Variants in KLHL5 observed in about 807,000 individuals in gnomAD.
KLHL5 encodes kelch-like protein 5.
KLHL5 carries 48 observed loss-of-function variants against 77.7 expected under a neutral mutation model. The observed-to-expected ratio is 0.62, with a 90% confidence interval of 0.49 to 0.79. KLHL5 has a LOEUF of 0.79. Among genes scored for constraint, KLHL5 ranks in the 30% least tolerant of loss-of-function variants. The probability of loss-of-function intolerance (pLI) is 0.00; values close to 1 mark genes in which losing one functional copy is unlikely to be tolerated. For synonymous variants in KLHL5, 260 were observed against 297.0 expected, an observed-to-expected ratio of 0.88 and a Z score of 1.28; for missense variants, 723 against 859.7, an observed-to-expected ratio of 0.84 and a Z score of 1.99.
chr4:39,079,800 C>T (rs1433672746), intron 2 of KLHL5, among the ~76,000 whole-genome samples: 1 of 152,104 alleles, frequency 6.6e-6, no homozygotes, highest in Non-Finnish European at 1.5e-5. Flanking sequence ...CCAGTATTTA[C>T]TGGACACACA....
the KLHL5 span, among the ~76,000 whole-genome samples, chr4:39,133,185 A>G: frequency 6.6e-6 from 1 of 152,146 alleles, no homozygotes; most frequent in Admixed American, 6.5e-5. Flanking sequence ...GATTAAATCA[A>G]AGTGTTAAAA....
chr4:39,049,515 A>G (rs1716466237), intron 1 of KLHL5, among the ~76,000 whole-genome samples: 1 of 151,978 alleles, frequency 6.6e-6, no homozygotes, highest in Non-Finnish European at 1.5e-5. Flanking sequence ...GTGAGACCCT[A>G]TGCCTACAAA....
the KLHL5 span, among the ~76,000 whole-genome samples, chr4:39,141,446 C>A: frequency 6.6e-6 from 1 of 151,364 alleles, no homozygotes; most frequent in African/African-American, 2.4e-5. Context: ...GTAGCTGGGA[C>A]TACAGGCGCC....
At chr4:39,104,021 GA>G (rs1721835071) in intron 7 of KLHL5, among the ~76,000 whole-genome samples, 1 of 147,034 alleles carries the variant, frequency 6.8e-6, no homozygotes, top group African/African-American at 2.5e-5. Flanking sequence ...AGGTATGGTT[GA>G]GTTTAGATAG....
At chr4:39,116,028 T>C in intron 10 of KLHL5, 2 of 985,544 alleles carry the variant, frequency 2.0e-6, no homozygotes, top group South Asian at 4.7e-5. Flanking sequence ...ATGATAAGTA[T>C]GGTCAAGAAA....
At chr4:39,119,267 C>T (rs1197861145) in intron 10 of KLHL5, among the ~76,000 whole-genome samples, 4 of 152,116 alleles carry the variant, frequency 2.6e-5, no homozygotes, top group Non-Finnish European at 5.9e-5. Flanking sequence ...AAAATGTGAA[C>T]TCGTTATCAT....
intron 9 of KLHL5, among the ~76,000 whole-genome samples, chr4:39,113,967 A>T (rs1403224062): frequency 6.6e-6 from 1 of 152,112 alleles, no homozygotes; most frequent in East Asian, 1.9e-4. Context: ...CATGTGTGAC[A>T]GAGAGTGTGT....
Position 39,062,393 on chromosome 4 carries a change from G to T in KLHL5, c.-260G>T. ...CCGGGAAAGTGGTCTAGCTGCTTCA[G>T]GATAGGTGGATGAGAGTTTGCTCTG... On this transcript the variant is annotated 5_prime_UTR_variant, in exon 1 of 11. The change creates a new upstream start codon in the 5' untranslated region. Coordinates refer to ENST00000504108, the MANE Select transcript of KLHL5 (RefSeq NM_015990.5). 1 of 1,459,634 alleles carries T rather than the reference G, an allele frequency of 6.9e-7. No individual in the cohort carries two copies. The highest frequency in any genetic ancestry group is 2.5e-5 in the East Asian group (1 of 40,394). The allele number at this position is 1,459,634 out of a possible 1,614,324, so 90.4% of individuals were successfully genotyped here.
At chr4:39,141,304 C>CTTTTTTTT in the KLHL5 span, among the ~76,000 whole-genome samples, 3 of 75,624 alleles carry the variant, frequency 4.0e-5, no homozygotes, top group African/African-American at 9.8e-5. Context: ...ATTTTTTAGT[C>CTTTTTTTT]TTTTTTTTTT....
In KLHL5 at chr4:39,099,146, G is replaced by C. The variant is rs368533909; in HGVS notation, c.1300+2268G>C. Among the ~76,000 whole-genome samples, 13 of 152,180 alleles carry C rather than the reference G, an allele frequency of 8.5e-5. No individual in the cohort carries two copies. The East Asian group carries it at 2.3e-3, about 27-fold the overall frequency. The stretch of plus-strand genomic sequence containing the variant: ...AAAAAATACCAAAAAAAATTAGCCA[G>C]GCATGGTGGCAGGTGCCTGTAATCC... On this transcript the variant is annotated intron_variant, in intron 6 of 10. Coordinates refer to ENST00000504108, the MANE Select transcript of KLHL5 (RefSeq NM_015990.5).
At chr4:39,055,258 G>A (rs1716930803) in intron 1 of KLHL5, among the ~76,000 whole-genome samples, 1 of 152,176 alleles carries the variant, frequency 6.6e-6, no homozygotes, top group Non-Finnish European at 1.5e-5. Context: ...ATGCACACTG[G>A]TTCAGCAAAT....
At chr4:39,105,591 CA>C (rs1203045647) in intron 7 of KLHL5, among the ~76,000 whole-genome samples, 1 of 150,860 alleles carries the variant, frequency 6.6e-6, no homozygotes, top group African/African-American at 2.4e-5. Flanking sequence ...CATGTATATA[CA>C]GTATGTGTAT....
At chr4:39,129,733 AT>A (rs1320737857), downstream of KLHL5, among the ~76,000 whole-genome samples, 2 of 152,130 alleles carry the variant, frequency 1.3e-5, no homozygotes, top group Non-Finnish European at 2.9e-5. The surrounding 1 kb of genome is among the most constrained non-coding windows in gnomAD (Gnocchi z 4.2). Flanking sequence ...TTCAAATGTT[AT>A]TGTATTTTAC....
chr4:39,086,349 T>A (rs1172718183), intron 4 of KLHL5, among the ~76,000 whole-genome samples, 166 bp from the exon 5 acceptor site: 1 of 152,234 alleles, frequency 6.6e-6, no homozygotes, highest in Non-Finnish European at 1.5e-5. Flanking sequence ...CAGTTTAATT[T>A]TTTTTTCTCT....
chr4:39,082,513 T>C (rs1346778707), intron 4 of KLHL5, among the ~76,000 whole-genome samples: 2 of 152,178 alleles, frequency 1.3e-5, no homozygotes, highest in African/African-American at 2.4e-5. Context: ...TATTCACTGA[T>C]AGAAATTGGT....
upstream of KLHL5, among the ~76,000 whole-genome samples, chr4:39,058,337 C>T (rs951516653): frequency 1.3e-5 from 2 of 151,918 alleles, no homozygotes; most frequent in South Asian, 2.1e-4. Flanking sequence ...GAAAAAATAC[C>T]GTACGATTTT....
rs192378724 is a variant in KLHL5 at position 39,048,711 on chromosome 4, T to C, written c.-95+3615T>C. 1.7e-3 allele frequency among the ~76,000 whole-genome samples: 237 copies of C among 140,110 alleles called. 1 individual carries two copies. Among genetic ancestry groups the C allele is most frequent in the Middle Eastern group, 4.4e-3 (1 of 228 alleles). 91.9% of individuals were successfully genotyped at this position (140,110 alleles called of 152,430 possible). On this transcript the variant is annotated intron_variant, in intron 1 of 11. Transcript: ENST00000261425. ...CAGGCTGGAGTTCAATGGCATGATC[T>C]CAGCTCACTGCAACTTCTGCCTTCC...
At chr4:39,136,005 CGTGTGTGTGTGTGT>C in the KLHL5 span, among the ~76,000 whole-genome samples, 2 of 145,922 alleles carry the variant, frequency 1.4e-5, no homozygotes, top group East Asian at 2.0e-4. Context: ...CATTCTAACA[CGTGTGTGTGTGTGT>C]GTGTGTGTGT....
rs1719015091 is a variant in KLHL5 at position 39,076,141 on chromosome 4, C to G, written c.560C>G (p.Ala187Gly). The change falls in exon 2 of 11, where the codon GCT (alanine) becomes GGT (glycine). Residue 187 changes from alanine to glycine, a missense_variant. This residue lies in a region of KLHL5 where 221 missense variants were observed against 222.1 expected (regional missense o/e 1.00). Coordinates refer to ENST00000504108, the MANE Select transcript of KLHL5 (RefSeq NM_015990.5). The part of the protein sequence containing the change: ...ILVAGDRRIP[A>G]HRLVLSSVSD... ...GTCGCTGGTGATCGCAGAATTCCAG[C>G]TCACAGGTAGTTGTTTTCTATATTT... 6.2e-7 allele frequency: 1 copy of G among 1,602,422 alleles called. No homozygotes were observed. Among genetic ancestry groups the G allele is most frequent in the Admixed American group, 1.8e-5 (1 of 56,544 alleles).
Sources: allele counts gnomAD v4.1 joint callset (sites outside exome capture counted in the v4.1 genomes callset), GRCh38; gene constraint gnomAD v4.1.1; regional missense constraint gnomAD v4.1.1; non-coding constraint Gnocchi (gnomAD v3.1); transcripts MANE v1.5; gene names NCBI Gene and HGNC (gene_info 2026-07-23, HGNC 2026-07-21).